Variants in FOXN3 observed in about 807,000 individuals in gnomAD.
FOXN3 encodes forkhead box N3.
FOXN3 carries 7 observed loss-of-function variants against 38.4 expected under a neutral mutation model. That is an observed-to-expected ratio of 0.18 (90% CI 0.10 to 0.34). The LOEUF (loss-of-function observed/expected upper bound fraction) is 0.34, where lower values mean the gene tolerates loss of function less well. Among genes scored for constraint, FOXN3 ranks in the 10% least tolerant of loss-of-function variants. The pLI is 1.00. For missense variants in FOXN3, 456 were observed against 613.4 expected (o/e 0.74, Z 2.71); for synonymous variants, 230 against 242.2 (o/e 0.95, Z 0.47).
chr14:89,479,713 C>T (rs756268919), intron 1 of FOXN3, among the ~76,000 whole-genome samples: 10 of 152,156 alleles, frequency 6.6e-5, no homozygotes, highest in Non-Finnish European at 1.2e-4. Flanking sequence ...GAGATGTTAA[C>T]ATCAGACTTT....
intron 1 of FOXN3, among the ~76,000 whole-genome samples, chr14:89,502,061 G>A (rs547890445): frequency 1.9e-4 from 29 of 152,190 alleles, no homozygotes; most frequent in African/African-American, 5.8e-4. Context: ...CCAGCTACGC[G>A]GGAGGCCTAA....
At chr14:89,426,748 C>T (rs1892039490) in intron 1 of FOXN3, among the ~76,000 whole-genome samples, 1 of 152,154 alleles carries the variant, frequency 6.6e-6, no homozygotes. Context: ...AACTGAGATT[C>T]TGAGGCACAG....
chr14:89,603,983 T>G (rs1227622439), intron 1 of FOXN3, among the ~76,000 whole-genome samples: 2 of 152,194 alleles, frequency 1.3e-5, no homozygotes, highest in Non-Finnish European at 2.9e-5. Flanking sequence ...ACTAAAAATG[T>G]GTAACCACAA....
chr14:89,211,044 T>C (rs1884077891), intron 4 of FOXN3, among the ~76,000 whole-genome samples: 1 of 152,264 alleles, frequency 6.6e-6, no homozygotes, highest in Admixed American at 6.5e-5. Flanking sequence ...AGTGGATTTA[T>C]TGTATTGATT....
intron 1 of FOXN3, among the ~76,000 whole-genome samples, chr14:89,599,118 T>C (rs528128368): frequency 1.3e-5 from 2 of 152,356 alleles, no homozygotes; most frequent in African/African-American, 2.4e-5. Flanking sequence ...AAATGCTTTA[T>C]TGTTGATATT....
At chr14:89,320,788 A>G (rs1887873156) in intron 3 of FOXN3, among the ~76,000 whole-genome samples, 1 of 152,238 alleles carries the variant, frequency 6.6e-6, no homozygotes, top group Admixed American at 6.5e-5. Flanking sequence ...AATGCCAAAC[A>G]AAATATACCT....
chr14:89,363,977 TATATATATATA>T (rs1460000422), intron 2 of FOXN3, among the ~76,000 whole-genome samples: 37 of 89,614 alleles, frequency 4.1e-4, no homozygotes, highest in East Asian at 2.3e-3. Context: ...TATATATATA[TATATATATATA>T]ATATATATAT....
At chr14:89,494,347 C>A (rs1197938857) in intron 1 of FOXN3, among the ~76,000 whole-genome samples, 1 of 152,166 alleles carries the variant, frequency 6.6e-6, no homozygotes, top group Admixed American at 6.5e-5. Flanking sequence ...TAGTCTCACA[C>A]TGCTTTAATA....
Position 89,164,760 on chromosome 14 carries a change from A to G in FOXN3, c.852-1791T>C, listed in dbSNP as rs565643657. 6.6e-6 allele frequency among the ~76,000 whole-genome samples: 1 copy of G among 152,306 alleles called. No individual in the cohort carries two copies. Among genetic ancestry groups the G allele is most frequent in the East Asian group, 1.9e-4 (1 of 5,174 alleles). ...GCACTGGTAGAAGGGCTGTGGGGTC[A>G]GGACCACCAGTGAGATAACAGTAGT... On this transcript the variant is annotated intron_variant, in intron 5 of 5. Coordinates refer to ENST00000557258, the MANE Select transcript of FOXN3 (RefSeq NM_005197.4). The surrounding 1 kb of genome is among the most constrained non-coding windows in gnomAD (Gnocchi z 4.3).
chr14:89,258,938 G>A (rs989602603), intron 4 of FOXN3, among the ~76,000 whole-genome samples: 77 of 152,166 alleles, frequency 5.1e-4, no homozygotes, highest in Non-Finnish European at 8.1e-4. Context: ...GTTATCCCCT[G>A]ATCACGAACA....
At chr14:89,492,505 G>A (rs77431274) in intron 1 of FOXN3, among the ~76,000 whole-genome samples, 2 of 152,294 alleles carry the variant, frequency 1.3e-5, no homozygotes, top group East Asian at 1.9e-4. Context: ...AGGCTGAGGC[G>A]AGAGGATGGC....
chr14:89,337,787 G>A (rs1452609601), intron 3 of FOXN3, among the ~76,000 whole-genome samples: 2 of 152,042 alleles, frequency 1.3e-5, no homozygotes, highest in Admixed American at 6.6e-5. Context: ...GTGTCACCAA[G>A]CCCAGCTAAT....
In FOXN3 at chr14:89,161,768, T is replaced by C. The variant is rs532894084; in HGVS notation, c.*646A>G. The C allele has an allele frequency of 2.0e-5, 3 of 152,462 alleles. No individual in the cohort carries two copies. In the East Asian group the frequency reaches 5.8e-4, roughly 29 times the overall value. The allele number at this position is 152,462 out of a possible 1,614,324, so 9.4% of individuals were successfully genotyped here. On this transcript the variant is annotated 3_prime_UTR_variant, in exon 6 of 6. Coordinates refer to ENST00000557258, the MANE Select transcript of FOXN3 (RefSeq NM_005197.4). ...ACAGTCCAACGTCCACCTCGTAAGATGTCATCGGGCTTCAGGGTTCAGAAG... is the reference window on the plus strand; with the variant it reads ...ACAGTCCAACGTCCACCTCGTAAGACGTCATCGGGCTTCAGGGTTCAGAAG...
rs1015215163 is a variant in FOXN3 at position 89,606,732 on chromosome 14, C to T, written c.-15+12296G>A. On this transcript the variant is annotated intron_variant, in intron 1 of 6. Transcript: ENST00000345097. Reference sequence around the variant, plus strand: ...GGGTGTGGTGGCGCACGCCTGTAATCCCAGCTACTCAGGAGGCTGAGGCAG... The same window carrying T: ...GGGTGTGGTGGCGCACGCCTGTAATTCCAGCTACTCAGGAGGCTGAGGCAG... 1.2e-4 allele frequency among the ~76,000 whole-genome samples: 19 copies of T among 152,154 alleles called. 1 individual carries two copies. Among genetic ancestry groups the T allele is most frequent in the Non-Finnish European group, 2.8e-4 (19 of 68,030 alleles).
intron 1 of FOXN3, among the ~76,000 whole-genome samples, chr14:89,423,867 T>A (rs572834433): frequency 6.6e-6 from 1 of 152,298 alleles, no homozygotes; most frequent in Non-Finnish European, 1.5e-5. Flanking sequence ...AATTTCCAAC[T>A]TCTAGGAATT....
chr14:89,347,059 T>C (rs918999700), intron 3 of FOXN3, among the ~76,000 whole-genome samples: 8 of 144,554 alleles, frequency 5.5e-5, no homozygotes, highest in African/African-American at 2.0e-4. Context: ...TGCTTCTCCA[T>C]ATATTCATCA....
At chr14:89,352,265 G>A (rs961829724) in intron 2 of FOXN3, among the ~76,000 whole-genome samples, 2 of 152,180 alleles carry the variant, frequency 1.3e-5, no homozygotes, top group Non-Finnish European at 2.9e-5. Flanking sequence ...ACATTCCTAC[G>A]TGTTTTTTCC....
At chr14:89,465,507 C>T (rs1014034795) in intron 1 of FOXN3, among the ~76,000 whole-genome samples, 13 of 152,210 alleles carry the variant, frequency 8.5e-5, no homozygotes, top group Non-Finnish European at 1.6e-4. Flanking sequence ...CAGGCGTGAG[C>T]CACCGCGCCT....
At chr14:89,379,222 C>A (rs1890572076) in intron 2 of FOXN3, among the ~76,000 whole-genome samples, 1 of 152,212 alleles carries the variant, frequency 6.6e-6, no homozygotes, top group South Asian at 2.1e-4. Context: ...GGCCTCTCCC[C>A]ATCTGACCTT....
Sources: gnomAD v4.1 joint callset for allele counts (sites outside exome capture counted in the v4.1 genomes callset) on GRCh38, gnomAD v4.1.1 for gene constraint, Gnocchi (gnomAD v3.1) non-coding constraint, MANE v1.5 for transcripts, NCBI Gene and HGNC (gene_info 2026-07-23, HGNC 2026-07-21) for gene names.